The following MAT1A variants were observed in gnomAD, a reference collection of about 807,000 sequenced individuals.
The protein encoded by MAT1A is S-adenosylmethionine synthase isoform type-1.
A neutral mutation model predicts 44.0 loss-of-function variants in MAT1A; 19 were observed. The observed-to-expected ratio is 0.43, with a 90% CI of 0.30 to 0.63. The LOEUF (loss-of-function observed/expected upper bound fraction) is 0.63, where lower values mean the gene tolerates loss of function less well. Ranked by LOEUF, MAT1A falls within the 30% of genes least tolerant of loss-of-function variation. MAT1A has a pLI of 0.12. For synonymous variants in MAT1A, 205 were observed against 205.6 expected (o/e 1.00, Z 0.03); for missense variants, 397 against 531.0 (o/e 0.75, Z 2.48).
chr10:80,282,423 C>T (rs566375794), intron 3 of MAT1A, among the ~76,000 whole-genome samples: 3 of 152,362 alleles, frequency 2.0e-5, no homozygotes, highest in Admixed American at 1.3e-4. Flanking sequence ...AACTCAGCCA[C>T]GGCTGGGCTC....
chr10:80,284,046 G>A lies in MAT1A; in HGVS notation c.170-8C>T. The A allele has an allele frequency of 1.2e-6, 2 of 1,613,840 alleles. No individual in the cohort carries two copies. The highest frequency in any genetic ancestry group is 8.5e-7 in the Non-Finnish European group (1 of 1,179,914). ...CGGTCTTGCACACTGTCTCTGAAAG[G>A]GAGCGGGGAGCGAGGAGAGTTAGCA... On this transcript the variant is annotated splice_polypyrimidine_tract_variant and splice_region_variant and intron_variant, in intron 2 of 8. Coordinates refer to ENST00000372213, the MANE Select transcript of MAT1A (RefSeq NM_000429.3).
At chr10:80,275,292 C>A (rs1434046851) in intron 6 of MAT1A, 93 bp from the exon 7 acceptor site, 3 of 1,148,910 alleles carry the variant, frequency 2.6e-6, no homozygotes, top group Non-Finnish European at 3.8e-6. Flanking sequence ...AACTGCAACT[C>A]AGGAAGGATG....
intron 5 of MAT1A, 139 bp downstream of exon 5, chr10:80,280,034 G>T: frequency 1.9e-6 from 2 of 1,036,792 alleles, no homozygotes; most frequent in African/African-American, 1.6e-5. Context: ...CACATAAATA[G>T]TTCTTTTCAA....
intron 1 of MAT1A, 103 bp downstream of exon 1, chr10:80,289,230 T>C (rs1841688391): frequency 2.2e-6 from 2 of 923,178 alleles, no homozygotes; most frequent in Non-Finnish European, 3.6e-6. Context: ...ACCCCATAAA[T>C]ATGCACAATT....
At chr10:80,280,540 C>T (rs549375409) in intron 4 of MAT1A, 140 bp downstream of exon 4, 25 of 971,244 alleles carry the variant, frequency 2.6e-5, no homozygotes, top group Admixed American at 7.1e-5. Flanking sequence ...ATCCACAGCA[C>T]GGCCGTGAAG....
rs78720701 is a variant in MAT1A at position 80,273,212 on chromosome 10, G to C, written c.*569C>G. 5,370 of 164,088 alleles carry C rather than the reference G, an allele frequency of 0.033. 328 individuals are homozygous for C. Among genetic ancestry groups the C allele is most frequent in the African/African-American group, 0.12 (5,079 of 41,672 alleles). The allele number at this position is 164,088 out of a possible 1,614,324, so 10.2% of individuals were successfully genotyped here. A position where few individuals can be genotyped will look rare whatever the true frequency, so the allele number is the denominator to read the frequency against. The stretch of plus-strand genomic sequence containing the variant: ...AAAGGTACTACCTCATCATGTTGCA[G>C]TGAAGAAAAAACGAGATCAGTTATT... On this transcript the variant is annotated 3_prime_UTR_variant, in exon 9 of 9. Coordinates refer to ENST00000372213, the MANE Select transcript of MAT1A (RefSeq NM_000429.3).
chr10:80,274,166 AC>A (rs1841448734), intron 8 of MAT1A, among the ~76,000 whole-genome samples: 1 of 152,140 alleles, frequency 6.6e-6, no homozygotes, highest in Non-Finnish European at 1.5e-5. Flanking sequence ...CAATGTTGAC[AC>A]CACTAAGCTC....
At position 80,284,033 on chromosome 10, in the gene MAT1A, C is replaced by T. The variant is rs1160172704; in HGVS notation, c.175G>A (p.Val59Met). 1 of 1,614,126 alleles carries T rather than the reference C, an allele frequency of 6.2e-7. No homozygotes were observed. Among genetic ancestry groups the T allele is most frequent in the Non-Finnish European group, 8.5e-7 (1 of 1,180,002 alleles). Residue 59 changes from valine to methionine, a missense_variant, in exon 3 of 9, where the codon GTG (valine) becomes ATG (methionine). Val to Met is a conservative substitution (Grantham distance 21). Transcript: ENST00000372213. ...AGCAGCACCATGCCGGTCTTGCACA[C>T]TGTCTCTGAAAGGGAGCGGGGAGCG... ...DPNAKVACET[V>M]CKTGMVLLCG... is the part of the protein sequence containing the mutation.
rs149992601 is a variant in MAT1A at position 80,288,799 on chromosome 10, T to C, written c.91+534A>G. On this transcript the variant is annotated intron_variant, in intron 1 of 8. Coordinates refer to ENST00000372213, the MANE Select transcript of MAT1A (RefSeq NM_000429.3). ...AGCTTTCCTAAAAAAAAAATACATA[T>C]AAAAAGTTAAGACCTGATCATATAT... 5.9e-5 allele frequency among the ~76,000 whole-genome samples: 9 copies of C among 152,186 alleles called. No individual in the cohort carries two copies. In the East Asian group the frequency reaches 1.7e-3, roughly 29 times the overall value.
intron 5 of MAT1A, among the ~76,000 whole-genome samples, chr10:80,277,486 A>G (rs1841506479): frequency 6.6e-6 from 1 of 152,218 alleles, no homozygotes; most frequent in Non-Finnish European, 1.5e-5. Flanking sequence ...GCCATGTAAG[A>G]TCTGCATGAG....
chr10:80,279,277 A>G (rs944503716), intron 5 of MAT1A, among the ~76,000 whole-genome samples: 6 of 152,034 alleles, frequency 3.9e-5, no homozygotes, highest in Non-Finnish European at 5.9e-5. Context: ...GGGGTGCTTG[A>G]TGGGGTAAAC....
intron 2 of MAT1A, 139 bp downstream of exon 2, chr10:80,285,373 A>G: frequency 1.4e-6 from 1 of 733,338 alleles, no homozygotes; most frequent in South Asian, 1.5e-5. Context: ...GGGAGGTCTC[A>G]TAATTGAGAA....
chr10:80,287,077 T>C (rs1841659371), intron 1 of MAT1A, among the ~76,000 whole-genome samples: 2 of 152,232 alleles, frequency 1.3e-5, no homozygotes, highest in African/African-American at 2.4e-5. Context: ...AATAAATACA[T>C]GCTGGCCACC....
chr10:80,273,367 G>A lies in MAT1A; in HGVS notation c.*414C>T, dbSNP rs886047316. The A allele has an allele frequency of 3.7e-6, 1 of 272,152 alleles. No individual in the cohort carries two copies. The highest frequency in any genetic ancestry group is 7.2e-6 in the Non-Finnish European group (1 of 138,586). 16.9% of individuals were successfully genotyped at this position (272,152 alleles called of 1,614,324 possible). A position where few individuals can be genotyped will look rare whatever the true frequency, so the allele number is the denominator to read the frequency against. On this transcript the variant is annotated 3_prime_UTR_variant, in exon 9 of 9. Coordinates refer to ENST00000372213, the MANE Select transcript of MAT1A (RefSeq NM_000429.3). ...GGCACTGGCTGCCTGTGAAAGGGGGGTCCAGGAGCCCAGGCCCACAAGGAG... is the reference window on the plus strand; with the variant it reads ...GGCACTGGCTGCCTGTGAAAGGGGGATCCAGGAGCCCAGGCCCACAAGGAG...
intron 2 of MAT1A, among the ~76,000 whole-genome samples, chr10:80,284,335 C>T (rs909719994): frequency 6.6e-6 from 1 of 152,072 alleles, no homozygotes; most frequent in African/African-American, 2.4e-5. Context: ...TATAAGACTG[C>T]TATGTGGATT....
chr10:80,282,066 C>T (rs1393464629), intron 3 of MAT1A, among the ~76,000 whole-genome samples: 1 of 152,196 alleles, frequency 6.6e-6, no homozygotes, highest in East Asian at 1.9e-4. Flanking sequence ...CTCCTGTTTC[C>T]TAATGAATGT....
Position 80,273,889 on chromosome 10 carries a change from T to C in MAT1A, c.1086-6A>G, listed in dbSNP as rs1841443830. On this transcript the variant is annotated splice_polypyrimidine_tract_variant and splice_region_variant and intron_variant, in intron 8 of 8. Transcript: ENST00000372213. ...GCTTCTTCAAGTCCAAATCCCTGCATGTCCAGCAGAAAGGAAGGGCATTGG... is the reference window on the plus strand; with the variant it reads ...GCTTCTTCAAGTCCAAATCCCTGCACGTCCAGCAGAAAGGAAGGGCATTGG... 6.3e-7 allele frequency: 1 copy of C among 1,583,600 alleles called. No homozygotes were observed. Among genetic ancestry groups the C allele is most frequent in the African/African-American group, 1.4e-5 (1 of 73,818 alleles).
chr10:80,289,488 G>GTT lies in MAT1A; in HGVS notation c.-67_-66dup. 4 of 1,104,082 alleles carry GTT rather than the reference G, an allele frequency of 3.6e-6. No homozygotes were observed. Among genetic ancestry groups the GTT allele is most frequent in the Non-Finnish European group, 5.3e-6 (4 of 751,478 alleles). The allele number at this position is 1,104,082 out of a possible 1,614,324, so 68.4% of individuals were successfully genotyped here. Reference sequence around the variant, plus strand: ...ATTTTGAGGCTGTGACTTTGCCTGAGTTTTTTTTTCTTCTTCTTCTTCTTC... The same window carrying GTT: ...ATTTTGAGGCTGTGACTTTGCCTGAGTTTTTTTTTTTCTTCTTCTTCTTCTTC... On this transcript the variant is annotated 5_prime_UTR_variant, in exon 1 of 9. Transcript: ENST00000372213.
At chr10:80,283,334 G>A (rs1474602737) in intron 3 of MAT1A, among the ~76,000 whole-genome samples, 1 of 152,248 alleles carries the variant, frequency 6.6e-6, no homozygotes, top group East Asian at 1.9e-4. Context: ...CCTGGGTGGT[G>A]GCCCCACACT....
Sources: allele counts gnomAD v4.1 joint callset (sites outside exome capture counted in the v4.1 genomes callset), GRCh38; gene constraint gnomAD v4.1.1; transcripts MANE v1.5; gene names NCBI Gene and HGNC (gene_info 2026-07-23, HGNC 2026-07-21).